The following KIF3C variants were observed in gnomAD, a reference collection of about 807,000 sequenced individuals.
KIF3C encodes the protein kinesin-like protein KIF3C.
In KIF3C, 12 loss-of-function variants were observed where a neutral mutation model predicts 67.7. That is an observed-to-expected ratio of 0.18 (90% CI 0.11 to 0.29). The LOEUF (loss-of-function observed/expected upper bound fraction) is 0.29. Ranked by LOEUF, KIF3C falls within the 10% of genes least tolerant of loss-of-function variation. The pLI is 1.00. For missense variants in KIF3C, 789 were observed against 1,059.6 expected (o/e 0.74, Z 3.55); for synonymous variants, 393 against 426.2 (o/e 0.92, Z 0.96).
intron 1 of KIF3C, among the ~76,000 whole-genome samples, chr2:25,969,679 T>A (rs1664229333): frequency 6.6e-6 from 1 of 152,140 alleles, no homozygotes; most frequent in Non-Finnish European, 1.5e-5. Flanking sequence ...ACCTACTGAT[T>A]TATGTCCTTG....
Position 25,982,031 on chromosome 2 carries a change from C to T in KIF3C, c.-114G>A. Reference sequence around the variant, plus strand: ...GGCCCAGCCCCCAGGCGCAGCTCTTCAATCCGCATGCAGCCTCCTAGGGTG... The same window carrying T: ...GGCCCAGCCCCCAGGCGCAGCTCTTTAATCCGCATGCAGCCTCCTAGGGTG... On this transcript the variant is annotated 5_prime_UTR_variant, in exon 1 of 8. Transcript: ENST00000264712. The T allele has an allele frequency of 1.2e-6, 1 of 829,670 alleles. No individual in the cohort carries two copies. Among genetic ancestry groups the T allele is most frequent in the Admixed American group, 3.0e-5 (1 of 33,822 alleles). The allele number at this position is 829,670 out of a possible 1,614,324, so 51.4% of individuals were successfully genotyped here.
Position 25,980,017 on chromosome 2 carries a change from G to C in KIF3C, c.1545+356C>G, listed in dbSNP as rs1391544235. Reference sequence around the variant, plus strand: ...GGAGGAAGCCTCAGGGGAGGAGGCTGTGAAGGAACAAGAACCCACATTCAC... The same window carrying C: ...GGAGGAAGCCTCAGGGGAGGAGGCTCTGAAGGAACAAGAACCCACATTCAC... On this transcript the variant is annotated intron_variant, in intron 1 of 7. Coordinates refer to ENST00000264712, the MANE Select transcript of KIF3C (RefSeq NM_002254.8). This position sits in a 1 kb window ranked among gnomAD's most constrained non-coding sequence, Gnocchi z 7.6. Among the ~76,000 whole-genome samples the C allele has an allele frequency of 6.6e-6, 1 of 152,240 alleles. No homozygotes were observed. The highest frequency in any genetic ancestry group is 1.5e-5 in the Non-Finnish European group (1 of 68,044).
At position 25,981,237 on chromosome 2, in the gene KIF3C, G is replaced by C. The variant is rs764523801; in HGVS notation, c.681C>G (p.Ser227Arg). 1 of 1,614,112 alleles carries C rather than the reference G, an allele frequency of 6.2e-7. No homozygotes were observed. The change falls in exon 1 of 8, where the codon AGC (serine) becomes AGG (arginine). Residue 227 changes from serine (S) to arginine (R), a missense_variant. Physicochemically the swap from Ser to Arg is moderately radical, Grantham distance 110 (BLOSUM62 -1). Coordinates refer to ENST00000264712, the MANE Select transcript of KIF3C (RefSeq NM_002254.8). This position sits in a 1 kb window ranked among gnomAD's most constrained non-coding sequence, Gnocchi z 8.2. ...HAIFIITVEC[S>R]ERGSDGQDHI... ...GGTCCTGGCCATCAGAGCCACGTTC[G>C]CTGCACTCCACAGTGATGATGAAGA...
chr2:25,970,429 A>G (rs1664248491), intron 1 of KIF3C, among the ~76,000 whole-genome samples: 1 of 152,066 alleles, frequency 6.6e-6, no homozygotes, highest in South Asian at 2.1e-4. Context: ...GCACTTTGGG[A>G]GGCCGAGGCA....
chr2:25,956,758 G>A (rs1178366393), intron 1 of KIF3C, among the ~76,000 whole-genome samples: 1 of 152,162 alleles, frequency 6.6e-6, no homozygotes, highest in African/African-American at 2.4e-5. Context: ...GAGGATGGGG[G>A]TGGCAACCTA....
intron 5 of KIF3C, among the ~76,000 whole-genome samples, chr2:25,944,356 T>G (rs1418050596): frequency 6.6e-6 from 1 of 151,644 alleles, no homozygotes; most frequent in African/African-American, 2.4e-5. Context: ...CCTTTTTTTT[T>G]TTTTTTTTGA....
At chr2:25,940,650 C>CTTTTTTT (rs70950139) in intron 5 of KIF3C, among the ~76,000 whole-genome samples, 24 of 74,184 alleles carry the variant, frequency 3.2e-4, no homozygotes, top group Non-Finnish European at 3.8e-4. Context: ...TCAGAATGTT[C>CTTTTTTT]TTTTTTTTTT....
At chr2:25,971,870 G>T (rs559247089) in intron 1 of KIF3C, among the ~76,000 whole-genome samples, 65 of 63,948 alleles carry the variant, frequency 1.0e-3, no homozygotes, top group Non-Finnish European at 1.7e-3. Context: ...ACCATGCCTA[G>T]CTTTTTTTTT....
At position 25,981,988 on chromosome 2, in the gene KIF3C, G is replaced by A; in HGVS notation, c.-71C>T. On this transcript the variant is annotated 5_prime_UTR_variant, in exon 1 of 8. Transcript: ENST00000264712. This position sits in a 1 kb window ranked among gnomAD's most constrained non-coding sequence, Gnocchi z 8.2. Reference sequence around the variant, plus strand: ...GCGGTCCTGCTATCCTGCTCGCTAGGTCGGGATCAGCGGGGCCGGCCCAGC... The same window carrying A: ...GCGGTCCTGCTATCCTGCTCGCTAGATCGGGATCAGCGGGGCCGGCCCAGC... 1 of 1,309,104 alleles carries A rather than the reference G, an allele frequency of 7.6e-7. No individual in the cohort carries two copies. The highest frequency in any genetic ancestry group is 2.6e-5 in the Admixed American group (1 of 38,412). 81.1% of individuals were successfully genotyped at this position (1,309,104 alleles called of 1,614,324 possible). A position where few individuals can be genotyped will look rare whatever the true frequency, so the allele number is the denominator to read the frequency against.
In KIF3C at chr2:25,929,459, G is replaced by C. The variant is rs2090439729; in HGVS notation, c.2134C>G (p.Leu712Val). The C allele has an allele frequency of 6.2e-7, 1 of 1,614,086 alleles. No homozygotes were observed. Among genetic ancestry groups the C allele is most frequent in the Non-Finnish European group, 8.5e-7 (1 of 1,180,004 alleles). Residue 712 changes from leucine to valine, a missense_variant, in exon 7 of 8, where the codon CTG becomes GTG. Leu to Val is a conservative substitution (Grantham distance 32). This residue lies in a region of KIF3C where 648 missense variants were observed against 807.8 expected (regional missense o/e 0.80). Transcript: ENST00000264712. Reference sequence around the variant, plus strand: ...GCTGGAGGGGACACATCCAACTCCAGAAACATTATGTTTTCAGCCTGTGGT... The same window carrying C: ...GCTGGAGGGGACACATCCAACTCCACAAACATTATGTTTTCAGCCTGTGGT... ...PRYRAENIMFLELDVSPPAVF... is the reference protein window; with the variant it reads ...PRYRAENIMFVELDVSPPAVF...
Position 25,956,441 on chromosome 2 carries a change from T to G in KIF3C, c.1549A>C (p.Met517Leu). The G allele has an allele frequency of 6.2e-7, 1 of 1,613,402 alleles. No individual in the cohort carries two copies. The highest frequency in any genetic ancestry group is 8.5e-7 in the Non-Finnish European group (1 of 1,179,498). ...TELLAAKYKA[M>L]ESKLLIGGRN... ...CCCCCGATGAGGAGCTTGCTCTCCATGGCCTGGGGACACAGAGGGGTTGGG... is the reference window on the plus strand; with the variant it reads ...CCCCCGATGAGGAGCTTGCTCTCCAGGGCCTGGGGACACAGAGGGGTTGGG... Residue 517 changes from methionine to leucine, a missense_variant, in exon 2 of 8, where the codon ATG (methionine) becomes CTG (leucine). This residue lies in a region of KIF3C where 648 missense variants were observed against 807.8 expected (regional missense o/e 0.80). Transcript: ENST00000264712.
intron 3 of KIF3C, 99 bp from the exon 4 acceptor site, chr2:25,954,484 A>T: frequency 1.2e-6 from 1 of 855,106 alleles, no homozygotes; most frequent in Non-Finnish European, 1.9e-6. Context: ...GAGTCTACCG[A>T]CTCAGCCCAG....
At chr2:25,945,057 G>A (rs1352681528) in intron 5 of KIF3C, among the ~76,000 whole-genome samples, 1 of 150,856 alleles carries the variant, frequency 6.6e-6, no homozygotes, top group Non-Finnish European at 1.5e-5. Flanking sequence ...CTTGAACCCG[G>A]GAGGTGGAGG....
At chr2:25,971,180 G>C (rs1477926353) in intron 1 of KIF3C, among the ~76,000 whole-genome samples, 2 of 151,576 alleles carry the variant, frequency 1.3e-5, no homozygotes, top group Admixed American at 6.6e-5. Context: ...TCTGAGGCAG[G>C]AGAATGGTGT....
chr2:25,937,806 A>T (rs1663173458), intron 5 of KIF3C, among the ~76,000 whole-genome samples: 1 of 152,036 alleles, frequency 6.6e-6, no homozygotes, highest in South Asian at 2.1e-4. Flanking sequence ...CTGTAATCCC[A>T]CACTTTGGGA....
rs1376407166 is a variant in KIF3C, at chr2:25,981,855, G to A, written c.63C>T (p.Ser21=). ...CGTGACCAGCAGCCTCCTCCTTCCT[G>A]CTGAGGGGGCGGCACCGGGCCACCA... is the stretch of plus-strand genomic sequence containing the variant. ...LKVVARCRPL[S]RKEEAAGHEQ... The change falls in exon 1 of 8, where the codon AGC becomes AGT. Residue 21 remains serine (S), a synonymous_variant. Coordinates refer to ENST00000264712, the MANE Select transcript of KIF3C (RefSeq NM_002254.8). The surrounding 1 kb of genome is among the most constrained non-coding windows in gnomAD (Gnocchi z 8.2). 6.2e-7 allele frequency: 1 copy of A among 1,602,334 alleles called. No individual in the cohort carries two copies. Among genetic ancestry groups the A allele is most frequent in the East Asian group, 2.2e-5 (1 of 44,708 alleles).
At chr2:25,950,850 T>C (rs562082553) in intron 5 of KIF3C, among the ~76,000 whole-genome samples, 1 of 141,152 alleles carries the variant, frequency 7.1e-6, no homozygotes, top group Admixed American at 7.4e-5. Flanking sequence ...TTAAGTAAAA[T>C]CAGCCTTTAA....
chr2:25,941,416 T>G (rs1216467145), intron 5 of KIF3C, among the ~76,000 whole-genome samples: 1 of 152,132 alleles, frequency 6.6e-6, no homozygotes, highest in South Asian at 2.1e-4. Context: ...AGGGTATGGA[T>G]GCTGTCACAT....
chr2:25,945,710 G>A (rs919757279), intron 5 of KIF3C, among the ~76,000 whole-genome samples: 4 of 151,910 alleles, frequency 2.6e-5, no homozygotes, highest in Admixed American at 6.6e-5. Flanking sequence ...GCAACACAGC[G>A]AGCTATCATG....
Sources: allele counts gnomAD v4.1 joint callset (sites outside exome capture counted in the v4.1 genomes callset), GRCh38; gene constraint gnomAD v4.1.1; regional missense constraint gnomAD v4.1.1; non-coding constraint Gnocchi (gnomAD v3.1); transcripts MANE v1.5; gene names NCBI Gene and HGNC (gene_info 2026-07-23, HGNC 2026-07-21).